The following ELF4 variants were observed in gnomAD, a reference collection of about 807,000 sequenced individuals.
ELF4 encodes E74 like ETS transcription factor 4.
ELF4 carries 10 observed loss-of-function variants against 31.7 expected under a neutral mutation model. The ratio of observed to expected loss-of-function variants is 0.32; its 90% CI spans 0.19 to 0.54. ELF4 has a LOEUF of 0.54. ELF4 is among the 20% of genes least tolerant of loss of function. The pLI is 0.95. For missense variants in ELF4, 418 were observed against 522.0 expected (o/e 0.80, Z 1.94); for synonymous variants, 208 against 226.7 (o/e 0.92, Z 0.74).
chrX:130,102,541 C>G (rs770431700), intron 1 of ELF4, among the ~76,000 whole-genome samples: 8 of 110,663 alleles, frequency 7.2e-5, no homozygotes, highest in Non-Finnish European at 1.3e-4. Flanking sequence ...AGGCTGGGTG[C>G]AGTGGCTCAC....
chrX:130,080,520 C>T (rs756513878), intron 2 of ELF4, among the ~76,000 whole-genome samples: 1 of 110,344 alleles, frequency 9.1e-6, no homozygotes, highest in Non-Finnish European at 1.9e-5. Flanking sequence ...GACTCCTAAT[C>T]TTCCATTCTT....
intron 1 of ELF4, among the ~76,000 whole-genome samples, chrX:130,107,453 C>T (rs1047129527): frequency 4.5e-5 from 5 of 111,356 alleles, no homozygotes; most frequent in Non-Finnish European, 7.5e-5. Context: ...ATCCCCCACA[C>T]TGGCTCAGGA....
intron 8 of ELF4, among the ~76,000 whole-genome samples, chrX:130,068,470 C>T (rs1932740104): frequency 8.9e-6 from 1 of 112,139 alleles, no homozygotes; most frequent in African/African-American, 3.2e-5. Flanking sequence ...CACCATTCCA[C>T]TCTACTGCCT....
intron 5 of ELF4, 135 bp downstream of exon 5, chrX:130,072,091 C>G (rs1932792311): frequency 1.3e-6 from 1 of 761,808 alleles, no homozygotes; most frequent in Non-Finnish European, 1.9e-6. Flanking sequence ...CCAGGTTTTA[C>G]AGAAGGGAGG....
chrX:130,093,282 GT>G (rs1388294646), intron 1 of ELF4, among the ~76,000 whole-genome samples: 1 of 106,003 alleles, frequency 9.4e-6, no homozygotes, highest in African/African-American at 3.5e-5. Context: ...TCCAGCCTGG[GT>G]GACAGAGCAA....
Position 130,064,299 on chromosome X carries a change from A to G in ELF4, c.*2422T>C, listed in dbSNP as rs778227220. Among the ~76,000 whole-genome samples the G allele has an allele frequency of 1.8e-5, 2 of 111,433 alleles. No individual in the cohort carries two copies. The highest frequency in any genetic ancestry group is 2.8e-4 in the East Asian group (1 of 3,542). ...CTGAAAATACAAAAATTAGCTGGGC[A>G]TGGTGGCATGTGCCTGTACTCCCAG... On this transcript the variant is annotated 3_prime_UTR_variant, in exon 9 of 9. Transcript: ENST00000308167.
In ELF4 at chrX:130,065,733, CG is replaced by C. The variant is rs1218238938; in HGVS notation, c.*987del. The C allele has an allele frequency of 4.6e-5, 8 of 174,286 alleles. No individual in the cohort carries two copies. Among genetic ancestry groups the C allele is most frequent in the Admixed American group, 3.9e-4 (5 of 12,696 alleles). The allele number at this position is 174,286 out of a possible 1,213,427, so 14.4% of individuals were successfully genotyped here. ...GGTGTCAGCAAAGGCTATTGTCTGG[CG>C]GGGGGCCGGTATCACACAAACAGCC... is the stretch of plus-strand genomic sequence containing the variant. On this transcript the variant is annotated 3_prime_UTR_variant, in exon 9 of 9. Transcript: ENST00000308167.
At chrX:130,086,950 C>T (rs746077572) in intron 1 of ELF4, among the ~76,000 whole-genome samples, 106 of 112,108 alleles carry the variant, frequency 9.5e-4, no homozygotes, top group African/African-American at 3.3e-3. Context: ...GCTGGTGCAG[C>T]GCACTGGATC....
chrX:130,066,972 T>A lies in ELF4; in HGVS notation c.1741A>T (p.Thr581Ser), dbSNP rs768122088. 8.3e-7 allele frequency: 1 copy of A among 1,210,246 alleles called. No homozygotes were observed. Among genetic ancestry groups the A allele is most frequent in the African/African-American group, 1.7e-5 (1 of 57,203 alleles). ...RDQAHLQPLP[T>S]QVVSRGSHNP... ...TGGGAACCCCTGGAAACCACCTGGG[T>A]TGGAAGTGGCTGAAGATGAGCCTGA... is the stretch of plus-strand genomic sequence containing the variant. Residue 581 changes from threonine to serine, a missense_variant, in exon 9 of 9, where the codon ACC (threonine) becomes TCC (serine). By Grantham distance (58) the Thr-to-Ser change is moderately conservative (BLOSUM62 1). Coordinates refer to ENST00000308167, the MANE Select transcript of ELF4 (RefSeq NM_001421.4).
chrX:130,087,963 G>A (rs1932987636), intron 1 of ELF4, among the ~76,000 whole-genome samples: 1 of 112,059 alleles, frequency 8.9e-6, no homozygotes, highest in Non-Finnish European at 1.9e-5. Flanking sequence ...ATTAGAGGGA[G>A]AGAGGAACAT....
rs111817077 is a variant in ELF4, at chrX:130,084,058, C to T, written c.-209-2519G>A. ...GTCATTTACCCAGGTGCGCTATTTG[C>T]GTTGGTTGTGGGTGTGCAAGCGCAC... On this transcript the variant is annotated intron_variant, in intron 1 of 8. Transcript: ENST00000308167. 5.3e-4 allele frequency among the ~76,000 whole-genome samples: 60 copies of T among 112,158 alleles called. 1 individual carries two copies. Among genetic ancestry groups the T allele is most frequent in the African/African-American group, 1.8e-3 (57 of 30,884 alleles).
chrX:130,108,888 C>T (rs1933422727), intron 1 of ELF4, among the ~76,000 whole-genome samples: 1 of 110,514 alleles, frequency 9.0e-6, no homozygotes, highest in Non-Finnish European at 1.9e-5. Context: ...AAGGTAGCCT[C>T]TTCCTCACAC....
chrX:130,099,726 C>T (rs1003293739), intron 1 of ELF4, among the ~76,000 whole-genome samples: 6 of 110,763 alleles, frequency 5.4e-5, no homozygotes, highest in South Asian at 7.8e-4. Flanking sequence ...GCAACCTCCA[C>T]CTCCCAGGTT....
chrX:130,084,916 C>T (rs1012928790), intron 1 of ELF4, among the ~76,000 whole-genome samples: 1 of 112,530 alleles, frequency 8.9e-6, no homozygotes, highest in South Asian at 3.6e-4. Context: ...CCCTGTGGGC[C>T]AGGGAGGCCC....
intron 2 of ELF4, among the ~76,000 whole-genome samples, chrX:130,080,373 G>A (rs3788843): frequency 0.23 from 23,475 of 100,509 alleles, 2,525 homozygotes; most frequent in Middle Eastern, 0.36. Context: ...GCAGTGAGCT[G>A]AGAACACGCC....
chrX:130,075,391 C>T (rs950906354), intron 2 of ELF4, among the ~76,000 whole-genome samples: 13 of 110,282 alleles, frequency 1.2e-4, no homozygotes, highest in African/African-American at 4.3e-4. Flanking sequence ...ATTCTCCTGC[C>T]TCAGCCTCCC....
In ELF4 at chrX:130,064,295, G is replaced by T. The variant is rs1932615265; in HGVS notation, c.*2426C>A. On this transcript the variant is annotated 3_prime_UTR_variant, in exon 9 of 9. Coordinates refer to ENST00000308167, the MANE Select transcript of ELF4 (RefSeq NM_001421.4). The stretch of plus-strand genomic sequence containing the variant: ...TCTACTGAAAATACAAAAATTAGCT[G>T]GGCATGGTGGCATGTGCCTGTACTC... Among the ~76,000 whole-genome samples, 1 of 111,270 alleles carries T rather than the reference G, an allele frequency of 9.0e-6. No homozygotes were observed. The highest frequency in any genetic ancestry group is 9.6e-5 in the Admixed American group (1 of 10,446).
intron 1 of ELF4, among the ~76,000 whole-genome samples, chrX:130,094,928 G>A (rs752469538): frequency 4.0e-4 from 45 of 111,516 alleles, no homozygotes; most frequent in Non-Finnish European, 6.4e-4. Context: ...CCAGCTCAGG[G>A]TGAGCACTTG....
intron 1 of ELF4, among the ~76,000 whole-genome samples, chrX:130,098,141 G>C (rs1356312524): frequency 8.9e-6 from 1 of 112,375 alleles, no homozygotes; most frequent in Admixed American, 9.4e-5. Flanking sequence ...TGTGGACGAA[G>C]GATTGCTGCC....
Sources: gnomAD v4.1 joint callset for allele counts (sites outside exome capture counted in the v4.1 genomes callset) on GRCh38, gnomAD v4.1.1 for gene constraint, MANE v1.5 for transcripts, NCBI Gene and HGNC (gene_info 2026-07-23, HGNC 2026-07-21) for gene names.